Variants in PCDHA6 observed in about 807,000 individuals in gnomAD.
PCDHA6 encodes the protein protocadherin alpha 6, also known as protocadherin alpha-6.
A neutral mutation model predicts 60.3 loss-of-function variants in PCDHA6; 55 were observed. The observed-to-expected ratio is 0.91, with a 90% CI of 0.73 to 1.14. The LOEUF (loss-of-function observed/expected upper bound fraction) is 1.14, where lower values mean the gene tolerates loss of function less well. Ranked by LOEUF, PCDHA6 falls within the 50% of genes most tolerant of loss-of-function variation. PCDHA6 has a pLI of 0.00. For missense variants in PCDHA6, 1,327 were observed against 1,256.5 expected, an observed-to-expected ratio of 1.06 and a Z score of -0.85; for synonymous variants, 652 against 557.9, an observed-to-expected ratio of 1.17 and a Z score of -2.38.
At chr5:140,836,011 C>T (rs2150250556) in intron 1 of PCDHA6, 2 of 1,613,394 alleles carry the variant, frequency 1.2e-6, no homozygotes, top group East Asian at 2.2e-5. Flanking sequence ...GCGGGCGTGC[C>T]GCCTCTGGGC....
At chr5:140,976,486 G>T (rs782708902) in intron 1 of PCDHA6, among the ~76,000 whole-genome samples, 1 of 152,078 alleles carries the variant, frequency 6.6e-6, no homozygotes, top group Non-Finnish European at 1.5e-5. Context: ...GGGAGGCAGA[G>T]GTTGCAGGGA....
intron 1 of PCDHA6, chr5:140,843,655 T>C: frequency 6.3e-7 from 1 of 1,594,836 alleles, no homozygotes; most frequent in Non-Finnish European, 8.6e-7. Context: ...GCCTTCCTCC[T>C]GATCTGGGAT....
At chr5:140,867,461 T>C (rs1197194209) in intron 1 of PCDHA6, 1 of 152,126 alleles carries the variant, frequency 6.6e-6, no homozygotes, top group African/African-American at 2.4e-5. Context: ...TCTAGTGTTA[T>C]GACAACATTG....
intron 1 of PCDHA6, among the ~76,000 whole-genome samples, chr5:140,891,620 C>T (rs1194351903): frequency 6.6e-6 from 1 of 152,122 alleles, no homozygotes; most frequent in African/African-American, 2.4e-5. Flanking sequence ...TTTATTTTAA[C>T]ACCTTTTGCT....
intron 3 of PCDHA6, among the ~76,000 whole-genome samples, chr5:140,992,504 C>T (rs2097516189): frequency 6.6e-6 from 1 of 152,174 alleles, no homozygotes; most frequent in African/African-American, 2.4e-5. Context: ...GGATTCAATC[C>T]TGGGGCATGG....
intron 1 of PCDHA6, among the ~76,000 whole-genome samples, chr5:140,896,320 C>G (rs1583228292): frequency 6.6e-6 from 1 of 152,182 alleles, no homozygotes; most frequent in Non-Finnish European, 1.5e-5. Context: ...CTGCTTTCCA[C>G]AGTGGCTAAA....
chr5:140,940,552 G>A (rs1198606745), intron 1 of PCDHA6, among the ~76,000 whole-genome samples: 4 of 152,018 alleles, frequency 2.6e-5, no homozygotes, highest in African/African-American at 9.7e-5. Flanking sequence ...GGGCTCAAGT[G>A]ATTCTCCTAC....
chr5:140,991,253 C>T (rs912017745), intron 3 of PCDHA6, among the ~76,000 whole-genome samples: 1 of 152,178 alleles, frequency 6.6e-6, no homozygotes, highest in East Asian at 1.9e-4. Context: ...AGTATTTGAA[C>T]TCATGTCTGC....
chr5:140,863,834 A>G lies in PCDHA6; in HGVS notation c.2394+33349A>G, dbSNP rs868982708. The G allele has an allele frequency of 1.6e-5, 3 of 185,882 alleles. No homozygotes were observed. The East Asian group carries it at 3.9e-4, about 24-fold the overall frequency. The allele number at this position is 185,882 out of a possible 1,614,324, so 11.5% of individuals were successfully genotyped here. A position where few individuals can be genotyped will look rare whatever the true frequency, so the allele number is the denominator to read the frequency against. The stretch of plus-strand genomic sequence containing the variant: ...GCCAACATGGTGAAACTCCATCTCT[A>G]CTAAAGATATAAAAAAATTAGCTGG... On this transcript the variant is annotated intron_variant, in intron 1 of 3. Transcript: ENST00000529310.
At chr5:140,923,071 C>T (rs1319984584) in intron 1 of PCDHA6, among the ~76,000 whole-genome samples, 2 of 152,202 alleles carry the variant, frequency 1.3e-5, no homozygotes, top group Non-Finnish European at 2.9e-5. Context: ...TAGGTCTCCT[C>T]ATGTCAGCAC....
intron 3 of PCDHA6, among the ~76,000 whole-genome samples, chr5:141,001,895 G>T (rs1390745542): frequency 3.9e-5 from 6 of 152,208 alleles, no homozygotes; most frequent in Non-Finnish European, 8.8e-5. Context: ...AGAAATCGGG[G>T]CTGTTTGAAA....
At chr5:140,965,555 G>A (rs1373065218) in intron 1 of PCDHA6, among the ~76,000 whole-genome samples, 4 of 151,798 alleles carry the variant, frequency 2.6e-5, no homozygotes, top group Non-Finnish European at 5.9e-5. Flanking sequence ...CCTGGCTTAG[G>A]AGATCAACAG....
In PCDHA6 at chr5:140,877,706, T is replaced by C. The variant is rs142399025; in HGVS notation, c.2394+47221T>C. On this transcript the variant is annotated intron_variant, in intron 1 of 3. Coordinates refer to ENST00000529310, the MANE Select transcript of PCDHA6 (RefSeq NM_018909.4). ...CCCACGCTGGTGTGCTCCAGCGCCG[T>C]GGGGAGTTGGTCTTACTCGCAGCAG... is the stretch of plus-strand genomic sequence containing the variant. The C allele has an allele frequency of 5.8e-4, 943 of 1,613,918 alleles. 7 individuals carry two copies. In the African/African-American group the frequency reaches 0.011, roughly 19 times the overall value.
intron 1 of PCDHA6, among the ~76,000 whole-genome samples, chr5:140,896,536 C>CT (rs34213614): frequency 0.32 from 46,252 of 145,528 alleles, 7,425 homozygotes; most frequent in East Asian, 0.53. Flanking sequence ...AGCTATTTTT[C>CT]TTTTTTTTTT....
chr5:140,966,589 GGCCAGGA>G (rs1554228448), intron 1 of PCDHA6: 2 of 580,716 alleles, frequency 3.4e-6, no homozygotes, highest in Non-Finnish European at 5.5e-6. Flanking sequence ...AGGACGGTGG[GGCCAGGA>G]GCCCTTGGGA....
At chr5:140,952,185 T>C (rs1354216964) in intron 1 of PCDHA6, among the ~76,000 whole-genome samples, 1 of 152,010 alleles carries the variant, frequency 6.6e-6, no homozygotes, top group Non-Finnish European at 1.5e-5. Context: ...GCTGCTCTCA[T>C]GGGTTGGTGT....
chr5:140,890,632 T>C (rs561301430), intron 1 of PCDHA6, among the ~76,000 whole-genome samples: 28 of 152,330 alleles, frequency 1.8e-4, no homozygotes, highest in African/African-American at 6.0e-4. Context: ...ATTAAGCATG[T>C]ATCCTTGATA....
At chr5:140,920,131 T>G (rs1207723509) in intron 1 of PCDHA6, among the ~76,000 whole-genome samples, 1 of 152,202 alleles carries the variant, frequency 6.6e-6, no homozygotes, top group Non-Finnish European at 1.5e-5. Context: ...TGAGTTTTAA[T>G]TCTCCTCTCC....
intron 1 of PCDHA6, among the ~76,000 whole-genome samples, chr5:140,894,571 T>C (rs782019282): frequency 2.0e-5 from 3 of 151,906 alleles, no homozygotes; most frequent in Non-Finnish European, 4.4e-5. Flanking sequence ...TTATTTTCCT[T>C]TTTTTTAATA....
Sources: allele counts gnomAD v4.1 joint callset (sites outside exome capture counted in the v4.1 genomes callset), GRCh38; gene constraint gnomAD v4.1.1; transcripts MANE v1.5; gene names NCBI Gene and HGNC (gene_info 2026-07-23, HGNC 2026-07-21).